Variants in MYLIP observed in about 807,000 individuals in gnomAD.
The protein encoded by MYLIP is E3 ubiquitin-protein ligase MYLIP.
A neutral mutation model predicts 45.8 loss-of-function variants in MYLIP; 26 were observed. The ratio of observed to expected loss-of-function variants is 0.57; its 90% CI spans 0.42 to 0.79. The LOEUF (loss-of-function observed/expected upper bound fraction) is 0.79. MYLIP is among the 30% of genes least tolerant of loss of function. MYLIP has a pLI of 0.00. For missense variants in MYLIP, 494 were observed against 555.6 expected, an observed-to-expected ratio of 0.89 and a Z score of 1.11; for synonymous variants, 213 against 218.1, an observed-to-expected ratio of 0.98 and a Z score of 0.21.
In MYLIP at chr6:16,145,152, C is replaced by T. The variant is rs769142887; in HGVS notation, c.1083C>T (p.Ser361=). Residue 361 remains serine (S), a synonymous_variant, in exon 6 of 7, where the codon AGC becomes AGT. Coordinates refer to ENST00000356840, the MANE Select transcript of MYLIP (RefSeq NM_013262.4). The part of the protein sequence containing the change: ...LKSSESSMNC[S]SCEGLSCQQT... ...CCTCAGAAAGCAGCATGAACTGCAG[C>T]AGCTGCGAGGGCCTCAGCTGCCAGC... 24 of 1,614,074 alleles carry T rather than the reference C, an allele frequency of 1.5e-5. No homozygotes were observed. Among genetic ancestry groups the T allele is most frequent in the East Asian group, 1.1e-4 (5 of 44,888 alleles).
In MYLIP at chr6:16,131,029, GAAAA is replaced by G. The variant is rs11394742; in HGVS notation, c.278+298_278+301del. Among the ~76,000 whole-genome samples, 60 of 115,244 alleles carry G rather than the reference GAAAA, an allele frequency of 5.2e-4. 1 individual carries two copies. In the East Asian group the frequency reaches 0.012, roughly 23 times the overall value. 75.6% of individuals were successfully genotyped at this position (115,244 alleles called of 152,430 possible). ...ACACTTGAGATAAGTGCTACCCCAG[GAAAA>G]AAAAAAAAAAAAAAAGAAACCACCC... On this transcript the variant is annotated intron_variant, in intron 2 of 6. Transcript: ENST00000356840.
At chr6:16,152,252 T>C (rs1210658706), downstream of MYLIP, among the ~76,000 whole-genome samples, 1 of 152,254 alleles carries the variant, frequency 6.6e-6, no homozygotes, top group Non-Finnish European at 1.5e-5. Flanking sequence ...GTAAGGAGTT[T>C]ATACGTTTGA....
In MYLIP at chr6:16,147,249, C is replaced by G. The variant is rs1198735047; in HGVS notation, c.*498C>G. 1.3e-5 allele frequency: 2 copies of G among 154,052 alleles called. No homozygotes were observed. Among genetic ancestry groups the G allele is most frequent in the Non-Finnish European group, 2.9e-5 (2 of 68,940 alleles). 9.5% of individuals were successfully genotyped at this position (154,052 alleles called of 1,614,324 possible). ...TTGTAAATTGTTGTCGTTTTAATGT[C>G]ATTTCTGTCTTTATAACTTGATCAA... On this transcript the variant is annotated 3_prime_UTR_variant, in exon 7 of 7. Coordinates refer to ENST00000356840, the MANE Select transcript of MYLIP (RefSeq NM_013262.4).
At position 16,143,077 on chromosome 6, in the gene MYLIP, A is replaced by C; in HGVS notation, c.522A>C (p.Gln174His). Residue 174 changes from glutamine to histidine, a missense_variant, in exon 4 of 7, where the codon CAA (glutamine) becomes CAC (histidine). Gln to His is a conservative substitution (Grantham distance 24). Transcript: ENST00000356840. ...EGTSQASAEYQVLQIVSAMEN... is the reference protein window; with the variant it reads ...EGTSQASAEYHVLQIVSAMEN... ...CCAGCCAGGCTTCAGCTGAATACCA[A>C]GTTTTGCAGATTGTGTCGGCAATGG... The C allele has an allele frequency of 6.2e-7, 1 of 1,614,210 alleles. No individual in the cohort carries two copies. Among genetic ancestry groups the C allele is most frequent in the Non-Finnish European group, 8.5e-7 (1 of 1,180,030 alleles).
At chr6:16,159,631 G>A in the MYLIP span, among the ~76,000 whole-genome samples, 1 of 152,066 alleles carries the variant, frequency 6.6e-6, no homozygotes, top group Admixed American at 6.5e-5. Context: ...TGATCAAAAG[G>A]CCACCCAAGC....
At chr6:16,135,729 C>A (rs183014652) in intron 2 of MYLIP, among the ~76,000 whole-genome samples, 30 of 131,610 alleles carry the variant, frequency 2.3e-4, no homozygotes, top group Non-Finnish European at 3.9e-4. Context: ...TATATACACA[C>A]ATTATATGTG....
At chr6:16,160,540 G>T in the MYLIP span, among the ~76,000 whole-genome samples, 1 of 152,076 alleles carries the variant, frequency 6.6e-6, no homozygotes, top group Non-Finnish European at 1.5e-5. Context: ...GATGGCTCAC[G>T]CCTGTAATCC....
chr6:16,145,262 C>T lies in MYLIP; in HGVS notation c.1193C>T (p.Thr398Ile). The change falls in exon 6 of 7, where the codon ACC becomes ATC. Residue 398 changes from threonine (T) to isoleucine (I), a missense_variant. Thr to Ile is a moderately conservative substitution (Grantham distance 89). Transcript: ENST00000356840. Reference protein sequence around the residue: ...MVCCEEEINSTFCPCGHTVCC... With the variant: ...MVCCEEEINSIFCPCGHTVCC... Reference sequence around the variant, plus strand: ...TGCTGCGAGGAGGAGATCAACTCCACCTTCTGTCCCTGTGGCCACACTGTG... The same window carrying T: ...TGCTGCGAGGAGGAGATCAACTCCATCTTCTGTCCCTGTGGCCACACTGTG... The T allele has an allele frequency of 6.2e-7, 1 of 1,611,538 alleles. No homozygotes were observed. Among genetic ancestry groups the T allele is most frequent in the Non-Finnish European group, 8.5e-7 (1 of 1,178,096 alleles).
At position 16,129,473 on chromosome 6, in the gene MYLIP, C is replaced by A. The variant is rs1759409372; in HGVS notation, c.87+64C>A. On this transcript the variant is annotated intron_variant, in intron 1 of 6. Transcript: ENST00000356840. This position sits in a 1 kb window ranked among gnomAD's most constrained non-coding sequence, Gnocchi z 5.1. ...GCGAGGCCGAGGGGCCTCGCAGCGA[C>A]GCCTGGCACTCTGGCGCGCCCCCTA... The A allele has an allele frequency of 4.7e-6, 7 of 1,482,622 alleles. No homozygotes were observed. The South Asian group carries it at 6.0e-5, about 13-fold the overall frequency. 91.8% of individuals were successfully genotyped at this position (1,482,622 alleles called of 1,614,324 possible).
At chr6:16,131,710 G>A (rs1759463785) in intron 2 of MYLIP, among the ~76,000 whole-genome samples, 1 of 152,192 alleles carries the variant, frequency 6.6e-6, no homozygotes, top group African/African-American at 2.4e-5. Context: ...AATGATGAAT[G>A]AGCATTATCC....
At chr6:16,160,474 A>G in the MYLIP span, among the ~76,000 whole-genome samples, 1 of 152,158 alleles carries the variant, frequency 6.6e-6, no homozygotes, top group Non-Finnish European at 1.5e-5. Context: ...TTGGTTTGGA[A>G]ATGGCATTTG....
the MYLIP span, among the ~76,000 whole-genome samples, chr6:16,159,789 A>C: frequency 6.6e-6 from 1 of 152,318 alleles, no homozygotes; most frequent in African/African-American, 2.4e-5. Flanking sequence ...GTCAGCAAGA[A>C]GGATGGGCAG....
chr6:16,149,160 T>C (rs2113585022), downstream of MYLIP, among the ~76,000 whole-genome samples: 1 of 152,314 alleles, frequency 6.6e-6, no homozygotes, highest in South Asian at 2.1e-4. Flanking sequence ...AGTTAGATAA[T>C]ATGCAGAATC....
In MYLIP at chr6:16,129,532, G is replaced by C. The variant is rs1331483313; in HGVS notation, c.87+123G>C. On this transcript the variant is annotated intron_variant, in intron 1 of 6. Coordinates refer to ENST00000356840, the MANE Select transcript of MYLIP (RefSeq NM_013262.4). The surrounding 1 kb of genome is among the most constrained non-coding windows in gnomAD (Gnocchi z 5.1). Reference sequence around the variant, plus strand: ...CGGGAGGCACTGCGGCGGCAGCCGGGGGGAGCGCGTCCCCTCCTCTCCACG... The same window carrying C: ...CGGGAGGCACTGCGGCGGCAGCCGGCGGGAGCGCGTCCCCTCCTCTCCACG... 1.1e-6 allele frequency: 1 copy of C among 932,674 alleles called. No individual in the cohort carries two copies. Among genetic ancestry groups the C allele is most frequent in the Non-Finnish European group, 1.6e-6 (1 of 640,316 alleles). 57.8% of individuals were successfully genotyped at this position (932,674 alleles called of 1,614,324 possible).
At chr6:16,133,469 C>A (rs923519627) in intron 2 of MYLIP, among the ~76,000 whole-genome samples, 2 of 152,044 alleles carry the variant, frequency 1.3e-5, no homozygotes, top group Non-Finnish European at 2.9e-5. Flanking sequence ...AAAGGAGAGT[C>A]TTTTACTTTT....
At chr6:16,149,416 C>A (rs1759852097), downstream of MYLIP, among the ~76,000 whole-genome samples, 1 of 152,184 alleles carries the variant, frequency 6.6e-6, no homozygotes, top group Non-Finnish European at 1.5e-5. Flanking sequence ...GCTTAGGAGC[C>A]AAGGATAAAG....
At position 16,143,868 on chromosome 6, in the gene MYLIP, G is replaced by A. The variant is rs1759730810; in HGVS notation, c.827+5G>A. ...AGAGACGCACGCATTCTACAGGCAC[G>A]TATCTCGTGTGCTTGGTCACCTCAG... On this transcript the variant is annotated splice_donor_5th_base_variant and intron_variant, in intron 5 of 6. Coordinates refer to ENST00000356840, the MANE Select transcript of MYLIP (RefSeq NM_013262.4). 3.1e-6 allele frequency: 5 copies of A among 1,611,026 alleles called. No individual in the cohort carries two copies. Among genetic ancestry groups the A allele is most frequent in the Middle Eastern group, 1.7e-4 (1 of 5,816 alleles).
downstream of MYLIP, among the ~76,000 whole-genome samples, chr6:16,150,179 A>G (rs979777494): frequency 1.3e-5 from 2 of 152,212 alleles, no homozygotes; most frequent in African/African-American, 2.4e-5. Flanking sequence ...AAGGTATTTG[A>G]GAAAGAACCG....
rs943742358 is a variant in MYLIP, at chr6:16,129,981, A to G, written c.87+572A>G. Among the ~76,000 whole-genome samples the G allele has an allele frequency of 2.0e-5, 3 of 152,316 alleles. No individual in the cohort carries two copies. The East Asian group carries it at 5.8e-4, about 29-fold the overall frequency. On this transcript the variant is annotated intron_variant, in intron 1 of 6. Coordinates refer to ENST00000356840, the MANE Select transcript of MYLIP (RefSeq NM_013262.4). This position sits in a 1 kb window ranked among gnomAD's most constrained non-coding sequence, Gnocchi z 5.1. ...ATCTACTGCTCGGTTGTTTTTAAGC[A>G]TGTGTTTCCTTAACAGTGAGGGAGA...
Sources: allele counts gnomAD v4.1 joint callset (sites outside exome capture counted in the v4.1 genomes callset), GRCh38; gene constraint gnomAD v4.1.1; non-coding constraint Gnocchi (gnomAD v3.1); transcripts MANE v1.5; gene names NCBI Gene and HGNC (gene_info 2026-07-23, HGNC 2026-07-21).